The following TOM1L2 variants were observed in gnomAD, a reference collection of about 807,000 sequenced individuals.
TOM1L2 encodes the protein target of myb1 like 2 membrane trafficking protein.
A neutral mutation model predicts 67.9 loss-of-function variants in TOM1L2; 31 were observed. The ratio of observed to expected loss-of-function variants is 0.46; its 90% CI spans 0.34 to 0.62. The LOEUF is 0.62. Ranked by LOEUF, TOM1L2 falls within the 20% of genes least tolerant of loss-of-function variation. The probability of loss-of-function intolerance (pLI) is 0.01; values close to 1 mark genes in which losing one functional copy is unlikely to be tolerated. For missense variants in TOM1L2, 606 were observed against 663.5 expected (o/e 0.91, Z 0.95); for synonymous variants, 256 against 254.0 (o/e 1.01, Z -0.07).
At chr17:17,933,755 G>A (rs557288702) in intron 1 of TOM1L2, among the ~76,000 whole-genome samples, 4 of 152,242 alleles carry the variant, frequency 2.6e-5, no homozygotes, top group East Asian at 3.9e-4. Flanking sequence ...AAACCCACTC[G>A]TTTGTTACAA....
chr17:17,903,715 G>A (rs551221262), intron 2 of TOM1L2, among the ~76,000 whole-genome samples: 5 of 151,876 alleles, frequency 3.3e-5, no homozygotes, highest in East Asian at 1.9e-4. Context: ...ACTAACAACC[G>A]TCCCACAGAT....
At position 17,917,693 on chromosome 17, in the gene TOM1L2, C is replaced by T. The variant is rs113257509; in HGVS notation, c.53-10162G>A. Among the ~76,000 whole-genome samples, 1,014 of 116,214 alleles carry T rather than the reference C, an allele frequency of 8.7e-3. 6 individuals carry two copies. The highest frequency in any genetic ancestry group is 0.017 in the Middle Eastern group (4 of 240). The allele number at this position is 116,214 out of a possible 152,430, so 76.2% of individuals were successfully genotyped here. ...TATTAGCTTCCCAGGCCAGCTCATG[C>T]CTGTAAATCCCATCACTTTGGGAGG... is the stretch of plus-strand genomic sequence containing the variant. On this transcript the variant is annotated intron_variant, in intron 1 of 14. Coordinates refer to ENST00000379504, the MANE Select transcript of TOM1L2 (RefSeq NM_001082968.2).
intron 1 of TOM1L2, among the ~76,000 whole-genome samples, chr17:17,949,819 A>G (rs1409000983): frequency 2.6e-5 from 4 of 151,526 alleles, no homozygotes; most frequent in African/African-American, 9.7e-5. Flanking sequence ...GGGCAATGTT[A>G]TAACACTGAA....
chr17:17,875,539 C>T (rs967353428), intron 7 of TOM1L2, among the ~76,000 whole-genome samples: 1 of 152,220 alleles, frequency 6.6e-6, no homozygotes, highest in Non-Finnish European at 1.5e-5. Context: ...ACAGGAATTT[C>T]CTAAACGCTG....
At chr17:17,884,532 C>T in intron 5 of TOM1L2, 102 bp downstream of exon 5, 1 of 1,519,966 alleles carries the variant, frequency 6.6e-7, no homozygotes. Flanking sequence ...AGCATGATGA[C>T]AAGCTGAATA....
chr17:17,862,776 A>C lies in TOM1L2; in HGVS notation c.1157T>G (p.Met386Arg). 6.2e-7 allele frequency: 1 copy of C among 1,614,084 alleles called. No homozygotes were observed. Among genetic ancestry groups the C allele is most frequent in the Non-Finnish European group, 8.5e-7 (1 of 1,180,032 alleles). Residue 386 changes from methionine (M) to arginine (R), a missense_variant, in exon 11 of 15, where the codon ATG becomes AGG. Met to Arg is a moderately conservative substitution (Grantham distance 91, BLOSUM62 -1). Transcript: ENST00000379504. ...QQCNPRDGFDMFAQTRGNSLA... is the reference protein window; with the variant it reads ...QQCNPRDGFDRFAQTRGNSLA... ...GGAGTTTCCTCTCGTCTGGGCAAAC[A>C]TGTCAAAGCCGTCACGGGGATTACA...
At chr17:17,855,900 G>C (rs779784962) in intron 12 of TOM1L2, among the ~76,000 whole-genome samples, 18 of 151,378 alleles carry the variant, frequency 1.2e-4, no homozygotes, top group African/African-American at 3.2e-4. Flanking sequence ...CAGGAGGCTT[G>C]AAAAGACTCA....
At chr17:17,946,836 T>C (rs568285014) in intron 1 of TOM1L2, among the ~76,000 whole-genome samples, 1 of 152,292 alleles carries the variant, frequency 6.6e-6, no homozygotes, top group Non-Finnish European at 1.5e-5. Context: ...GCCATTCTCC[T>C]GCCTCAGCCT....
intron 1 of TOM1L2, among the ~76,000 whole-genome samples, chr17:17,949,249 T>C (rs1290792706): frequency 6.6e-6 from 1 of 152,192 alleles, no homozygotes; most frequent in Non-Finnish European, 1.5e-5. Context: ...GGAACAGCAG[T>C]GTGGAACTCG....
intron 12 of TOM1L2, among the ~76,000 whole-genome samples, chr17:17,852,960 T>C (rs2036067316): frequency 6.7e-6 from 1 of 150,218 alleles, no homozygotes; most frequent in African/African-American, 2.5e-5. Context: ...AGGAGGCATG[T>C]GGGTCCTCAC....
At chr17:17,896,576 G>A (rs1266484317) in intron 3 of TOM1L2, among the ~76,000 whole-genome samples, 1 of 152,216 alleles carries the variant, frequency 6.6e-6, no homozygotes, top group African/African-American at 2.4e-5. Context: ...AGATCTAGGA[G>A]GTCCTCCCTG....
At chr17:17,890,659 G>A (rs2144173834) in intron 4 of TOM1L2, among the ~76,000 whole-genome samples, 1 of 152,320 alleles carries the variant, frequency 6.6e-6, no homozygotes, top group East Asian at 1.9e-4. Context: ...GAGCACTCTG[G>A]ATGAAGTTCA....
At chr17:17,847,842 G>T in intron 14 of TOM1L2, 59 bp from the exon 15 acceptor site, 2 of 1,607,582 alleles carry the variant, frequency 1.2e-6, no homozygotes, top group African/African-American at 1.3e-5. Flanking sequence ...CAGAGGAAGC[G>T]CACCCTTCCA....
At chr17:17,851,041 C>T in intron 12 of TOM1L2, 89 bp from the exon 13 acceptor site, 1 of 1,486,594 alleles carries the variant, frequency 6.7e-7, no homozygotes, top group Non-Finnish European at 9.3e-7. Context: ...TCATCAACAG[C>T]AACCCCAAAT....
rs1198972917 is a variant in TOM1L2 at position 17,861,541 on chromosome 17, CAT to C, written c.1211_1212del (p.Tyr404Ter). On this transcript the variant is annotated frameshift_variant, in exon 12 of 15. Coordinates refer to ENST00000379504, the MANE Select transcript of TOM1L2 (RefSeq NM_001082968.2). LOFTEE classifies it high-confidence loss of function. Reference sequence around the variant, plus strand: ...AGTCCTCCGACAGCCTGAGGATCCTCATAGGTTACCCTGGAGATGAAGAAGCA... The same window carrying C: ...AGTCCTCCGACAGCCTGAGGATCCTCAGGTTACCCTGGAGATGAAGAAGCA... ...SLAEQRKTVT[Y>X]EDPQAVGGLA... 1.9e-6 allele frequency: 3 copies of C among 1,613,958 alleles called. No homozygotes were observed. The highest frequency in any genetic ancestry group is 1.7e-6 in the Non-Finnish European group (2 of 1,180,004).
intron 1 of TOM1L2, among the ~76,000 whole-genome samples, chr17:17,970,131 T>A (rs1418405847): frequency 6.6e-6 from 1 of 152,184 alleles, no homozygotes; most frequent in Non-Finnish European, 1.5e-5. Flanking sequence ...CTCAGCTCAC[T>A]GCAAACTCCG....
intron 1 of TOM1L2, among the ~76,000 whole-genome samples, chr17:17,953,550 G>T (rs1250472649): frequency 6.6e-6 from 1 of 152,162 alleles, no homozygotes; most frequent in East Asian, 1.9e-4. Flanking sequence ...CCACCATGGG[G>T]GCAGAGCCTT....
intron 3 of TOM1L2, among the ~76,000 whole-genome samples, chr17:17,897,499 C>T (rs2144276761): frequency 6.6e-6 from 1 of 152,320 alleles, no homozygotes; most frequent in Middle Eastern, 3.4e-3. Context: ...GTTACAGTTT[C>T]TATTTTAAGA....
At chr17:17,910,717 G>A (rs1326536785) in intron 1 of TOM1L2, among the ~76,000 whole-genome samples, 7 of 152,086 alleles carry the variant, frequency 4.6e-5, no homozygotes, top group Non-Finnish European at 7.4e-5. Flanking sequence ...TTACAGGCAC[G>A]TGCCACCATG....
Sources: gnomAD v4.1 joint callset for allele counts (sites outside exome capture counted in the v4.1 genomes callset) on GRCh38, gnomAD v4.1.1 for gene constraint, MANE v1.5 for transcripts, NCBI Gene and HGNC (gene_info 2026-07-23, HGNC 2026-07-21) for gene names.